The following AIDA variants were observed in gnomAD, a reference collection of about 807,000 sequenced individuals.
AIDA encodes axin interactor, dorsalization-associated protein.
AIDA carries 18 observed loss-of-function variants against 42.7 expected under a neutral mutation model. That is an observed-to-expected ratio of 0.42 (90% CI 0.29 to 0.63). The LOEUF (loss-of-function observed/expected upper bound fraction) is 0.63. AIDA is among the 20% of genes least tolerant of loss of function. The pLI, the probability that AIDA is intolerant of heterozygous loss-of-function variation, is 0.19. For synonymous variants in AIDA, 104 were observed against 122.9 expected, an observed-to-expected ratio of 0.85 and a Z score of 1.02; for missense variants, 250 against 354.1, an observed-to-expected ratio of 0.71 and a Z score of 2.36.
intron 7 of AIDA, 44 bp from the exon 8 acceptor site, chr1:222,673,479 A>T: frequency 6.7e-7 from 1 of 1,495,436 alleles, no homozygotes; most frequent in Non-Finnish European, 9.0e-7. Flanking sequence ...TCAAATATAC[A>T]GACTTAAAAA....
At chr1:222,682,284 C>T (rs528779607) in intron 6 of AIDA, among the ~76,000 whole-genome samples, 2 of 152,134 alleles carry the variant, frequency 1.3e-5, no homozygotes, top group East Asian at 1.9e-4. Flanking sequence ...AGTATATCAC[C>T]ACCTAGACCA....
intron 2 of AIDA, among the ~76,000 whole-genome samples, chr1:222,698,926 T>C (rs1558214587): frequency 6.6e-6 from 1 of 151,684 alleles, no homozygotes; most frequent in Non-Finnish European, 1.5e-5. Flanking sequence ...CCCAGGTTCA[T>C]GCCATTGTTC....
intron 2 of AIDA, among the ~76,000 whole-genome samples, chr1:222,694,876 G>C (rs544214594): frequency 1.3e-5 from 2 of 152,238 alleles, no homozygotes; most frequent in South Asian, 4.1e-4. Context: ...ATAAAATAAA[G>C]CAGACATTTG....
chr1:222,700,978 G>C (rs1415158746), intron 2 of AIDA, among the ~76,000 whole-genome samples: 1 of 146,008 alleles, frequency 6.8e-6, no homozygotes, highest in Non-Finnish European at 1.5e-5. Flanking sequence ...TTTTGGGGGG[G>C]GGGGGACAGG....
chr1:222,681,142 A>G (rs2124952891), intron 6 of AIDA, among the ~76,000 whole-genome samples: 1 of 152,260 alleles, frequency 6.6e-6, no homozygotes, highest in Admixed American at 6.5e-5. Context: ...GAAGTCCCCA[A>G]ACAAGCAAAG....
chr1:222,698,394 CAT>C (rs1380608757), intron 2 of AIDA, among the ~76,000 whole-genome samples: 2 of 150,976 alleles, frequency 1.3e-5, no homozygotes, highest in African/African-American at 2.4e-5. Flanking sequence ...AAATAACAAT[CAT>C]ATGTGAATAA....
chr1:222,700,260 G>A (rs777564262), intron 2 of AIDA, among the ~76,000 whole-genome samples: 11 of 152,154 alleles, frequency 7.2e-5, no homozygotes, highest in Non-Finnish European at 1.2e-4. Flanking sequence ...CAGTAAAGAA[G>A]GCAGGGCAGA....
At chr1:222,711,962 C>A (rs2124975923) in intron 1 of AIDA, 2 of 492,912 alleles carry the variant, frequency 4.1e-6, no homozygotes, top group East Asian at 8.5e-5. Flanking sequence ...AGAAGGGCTA[C>A]CTGTTGAATG....
chr1:222,690,900 C>A (rs1021427800), intron 4 of AIDA, among the ~76,000 whole-genome samples: 2 of 152,094 alleles, frequency 1.3e-5, no homozygotes, highest in African/African-American at 2.4e-5. Flanking sequence ...ATGTTCCAAT[C>A]ACTGATTTAG....
At chr1:222,679,743 T>G (rs1007115799) in intron 6 of AIDA, among the ~76,000 whole-genome samples, 1 of 152,218 alleles carries the variant, frequency 6.6e-6, no homozygotes, top group African/African-American at 2.4e-5. Flanking sequence ...TCATTGTCCA[T>G]AGAGCCTACA....
At chr1:222,692,627 G>A (rs1655401527) in intron 4 of AIDA, among the ~76,000 whole-genome samples, 1 of 152,140 alleles carries the variant, frequency 6.6e-6, no homozygotes, top group Admixed American at 6.5e-5. Flanking sequence ...AAATACAAAG[G>A]TTATTCACAA....
intron 1 of AIDA, among the ~76,000 whole-genome samples, chr1:222,710,282 T>A (rs1655961004): frequency 6.6e-6 from 1 of 152,234 alleles, no homozygotes; most frequent in Admixed American, 6.5e-5. Context: ...AATTTGACCC[T>A]GGCAGTTTTT....
At chr1:222,670,092 C>A in intron 9 of AIDA, 41 bp downstream of exon 9, 1 of 1,606,612 alleles carries the variant, frequency 6.2e-7, no homozygotes, top group South Asian at 1.1e-5. Context: ...ATATACTAGT[C>A]ACCATCAAAT....
chr1:222,686,874 A>G, intron 6 of AIDA, 56 bp downstream of exon 6: 1 of 1,559,256 alleles, frequency 6.4e-7, no homozygotes, highest in Non-Finnish European at 8.7e-7. Flanking sequence ...AAAGTTTCAA[A>G]CACCCTGACT....
chr1:222,668,120 A>G lies in AIDA; in HGVS notation c.*1773T>C, dbSNP rs929324547. On this transcript the variant is annotated 3_prime_UTR_variant, in exon 10 of 10. Transcript: ENST00000340020. Reference sequence around the variant, plus strand: ...CATATAAATTATCATTTTGATATACATATCTTATGGTTTATGAGAAAAGAG... The same window carrying G: ...CATATAAATTATCATTTTGATATACGTATCTTATGGTTTATGAGAAAAGAG... 3 of 152,164 alleles carry G rather than the reference A, an allele frequency of 2.0e-5. No homozygotes were observed. The highest frequency in any genetic ancestry group is 2.9e-5 in the Non-Finnish European group (2 of 68,036). The allele number at this position is 152,164 out of a possible 1,614,324, so 9.4% of individuals were successfully genotyped here.
chr1:222,701,176 C>T lies in AIDA; in HGVS notation c.180+1972G>A, dbSNP rs986532693. ...TGGGGTTTCACCATGTTGCCCAGGC[C>T]GGTCTTGAACTCCTGGGCTGAAACA... On this transcript the variant is annotated intron_variant, in intron 2 of 9. Transcript: ENST00000340020. Among the ~76,000 whole-genome samples, 4 of 151,968 alleles carry T rather than the reference C, an allele frequency of 2.6e-5. No homozygotes were observed. In the East Asian group the frequency reaches 5.8e-4, roughly 22 times the overall value.
chr1:222,685,333 G>T (rs560722670), intron 6 of AIDA, among the ~76,000 whole-genome samples: 1 of 152,256 alleles, frequency 6.6e-6, no homozygotes, highest in African/African-American at 2.4e-5. Flanking sequence ...TAAAGAAACA[G>T]AAGTTCAGAT....
intron 4 of AIDA, among the ~76,000 whole-genome samples, chr1:222,689,489 A>G (rs1185614612): frequency 0.099 from 4,113 of 41,348 alleles, 258 homozygotes; most frequent in African/African-American, 0.26. Flanking sequence ...GTGTATATAT[A>G]TATATATATA....
At chr1:222,700,647 C>G (rs762478525) in intron 2 of AIDA, among the ~76,000 whole-genome samples, 2 of 151,500 alleles carry the variant, frequency 1.3e-5, no homozygotes, top group Admixed American at 1.3e-4. Context: ...CCCAGCTACT[C>G]GGGAGGCTGA....
Sources: gnomAD v4.1 joint callset for allele counts (sites outside exome capture counted in the v4.1 genomes callset) on GRCh38, gnomAD v4.1.1 for gene constraint, MANE v1.5 for transcripts, NCBI Gene and HGNC (gene_info 2026-07-23, HGNC 2026-07-21) for gene names.